ALDH1L2: variants seen among roughly 807,000 people sequenced by gnomAD.
The protein encoded by ALDH1L2 is aldehyde dehydrogenase 1 family member L2, also known as mitochondrial 10-formyltetrahydrofolate dehydrogenase.
A neutral mutation model predicts 111.0 loss-of-function variants in ALDH1L2; 91 were observed. The ratio of observed to expected loss-of-function variants is 0.82; its 90% CI spans 0.69 to 0.98. The LOEUF is 0.98. Among genes scored for constraint, ALDH1L2 ranks in the 50% least tolerant of loss-of-function variants. The pLI is 0.00. For missense variants in ALDH1L2, 995 were observed against 1,126.8 expected, an observed-to-expected ratio of 0.88 and a Z score of 1.67; for synonymous variants, 374 against 392.6, an observed-to-expected ratio of 0.95 and a Z score of 0.56.
At chr12:105,076,118 A>T (rs1029434096) in intron 1 of ALDH1L2, among the ~76,000 whole-genome samples, 2 of 152,232 alleles carry the variant, frequency 1.3e-5, no homozygotes, top group Non-Finnish European at 2.9e-5. Context: ...GTATTGGCAG[A>T]AGTAACTGGG....
At chr12:105,064,251 G>A (rs1877212477) in intron 6 of ALDH1L2, among the ~76,000 whole-genome samples, 1 of 149,906 alleles carries the variant, frequency 6.7e-6, no homozygotes, top group South Asian at 2.1e-4. Context: ...CAAAGTGCTG[G>A]GATTACAGGT....
intron 7 of ALDH1L2, 46 bp downstream of exon 7, chr12:105,062,842 A>T: frequency 6.3e-7 from 1 of 1,584,318 alleles, no homozygotes; most frequent in Non-Finnish European, 8.6e-7. Flanking sequence ...GGGTTATAGA[A>T]GAAAATCAAA....
intron 2 of ALDH1L2, chr12:105,073,623 C>T: frequency 2.0e-6 from 1 of 498,488 alleles, no homozygotes; most frequent in Non-Finnish European, 3.5e-6. Context: ...TTCTCAGTCA[C>T]TCTTGCAAAT....
chr12:105,058,419 G>A (rs73393842), intron 9 of ALDH1L2, among the ~76,000 whole-genome samples, 199 bp from the exon 10 acceptor site: 3,155 of 152,276 alleles, frequency 0.021, 72 homozygotes, highest in East Asian at 0.056. Context: ...TTGAAGGACA[G>A]TGGCAGTTTT....
chr12:105,076,061 C>T (rs1259909830), intron 1 of ALDH1L2, among the ~76,000 whole-genome samples: 1 of 152,204 alleles, frequency 6.6e-6, no homozygotes, highest in Non-Finnish European at 1.5e-5. Context: ...GCCAGGATTA[C>T]AGGCTATTTT....
rs927917597 is a variant in ALDH1L2, at chr12:105,034,290, G to C, written c.2244+10C>G. 6.2e-7 allele frequency: 1 copy of C among 1,612,992 alleles called. No homozygotes were observed. The highest frequency in any genetic ancestry group is 1.1e-5 in the South Asian group (1 of 90,980). On this transcript the variant is annotated intron_variant, in intron 19 of 22. Transcript: ENST00000258494. ...CTAAACAACTCAGAGTAAATGTGAA[G>C]GTGCCTCACCACTCTTGTCACAAAT...
intron 11 of ALDH1L2, among the ~76,000 whole-genome samples, chr12:105,052,462 G>A (rs1365792605): frequency 2.0e-5 from 3 of 152,170 alleles, no homozygotes; most frequent in African/African-American, 7.2e-5. Context: ...AAGATTGGAA[G>A]ACTGTAGTTC....
intron 7 of ALDH1L2, among the ~76,000 whole-genome samples, chr12:105,062,610 A>G (rs1737142306): frequency 6.6e-6 from 1 of 152,192 alleles, no homozygotes; most frequent in East Asian, 1.9e-4. Context: ...AAGATGGCAA[A>G]ACAGACTCAA....
In ALDH1L2 at chr12:105,030,418, C is replaced by G; in HGVS notation, c.2422G>C (p.Glu808Gln). 6.2e-7 allele frequency: 1 copy of G among 1,604,168 alleles called. No individual in the cohort carries two copies. The highest frequency in any genetic ancestry group is 2.2e-5 in the East Asian group (1 of 44,630). Reference sequence around the variant, plus strand: ...TCCACATCTGTGAACACGGTCGGCTCCATGAAAAAGCCTTTTTGGAAAAAA... The same window carrying G: ...TCCACATCTGTGAACACGGTCGGCTGCATGAAAAAGCCTTTTTGGAAAAAA... ...RQVQRPGFFM[E>Q]PTVFTDVEDY... is the part of the protein sequence containing the mutation. Residue 808 changes from glutamate (E) to glutamine (Q), a missense_variant, in exon 21 of 23, where the codon GAG (glutamate) becomes CAG (glutamine). By Grantham distance (29) the Glu-to-Gln change is conservative (BLOSUM62 2). Coordinates refer to ENST00000258494, the MANE Select transcript of ALDH1L2 (RefSeq NM_001034173.4).
chr12:105,028,576 A>G (rs1333068862), intron 21 of ALDH1L2, among the ~76,000 whole-genome samples: 1 of 152,228 alleles, frequency 6.6e-6, no homozygotes, highest in Non-Finnish European at 1.5e-5. Context: ...TTAAACTTGC[A>G]CAAGAAATCT....
intron 10 of ALDH1L2, among the ~76,000 whole-genome samples, chr12:105,057,032 G>C (rs11112351): frequency 0.39 from 58,420 of 149,924 alleles, 12,606 homozygotes; most frequent in Middle Eastern, 0.61. Context: ...ATCTAGTATC[G>C]AAAATATACG....
chr12:105,038,260 T>TCTCA (rs1469997049), intron 17 of ALDH1L2, 58 bp from the exon 18 acceptor site: 25 of 584,166 alleles, frequency 4.3e-5, no homozygotes, highest in East Asian at 1.2e-4. Flanking sequence ...TCTCTCTCTC[T>TCTCA]CACACACACA....
chr12:105,036,021 A>G (rs1197484026), intron 18 of ALDH1L2, among the ~76,000 whole-genome samples: 1 of 80,866 alleles, frequency 1.2e-5, no homozygotes, highest in Non-Finnish European at 2.1e-5. Context: ...TATATATATT[A>G]TATATATACG....
Position 105,052,824 on chromosome 12 carries a change from TGGGTTGA to T in ALDH1L2, c.1388_1394del (p.Ile463LysfsTer22), listed in dbSNP as rs759541899. On this transcript the variant is annotated frameshift_variant, in exon 11 of 23. Coordinates refer to ENST00000258494, the MANE Select transcript of ALDH1L2 (RefSeq NM_001034173.4). LOFTEE classifies it high-confidence loss of function. ...AAGAATTACTCACAGATCCATCTGTTGGGTTGATAGTGTCGTAAGTCTTTCCATCGTC... is the reference window on the plus strand; with the variant it reads ...AAGAATTACTCACAGATCCATCTGTTTAGTGTCGTAAGTCTTTCCATCGTC... 6.2e-7 allele frequency: 1 copy of T among 1,614,090 alleles called. No individual in the cohort carries two copies. The highest frequency in any genetic ancestry group is 1.7e-5 in the Admixed American group (1 of 60,012).
intron 3 of ALDH1L2, among the ~76,000 whole-genome samples, chr12:105,069,264 G>A (rs897603929): frequency 2.6e-5 from 4 of 152,002 alleles, no homozygotes; most frequent in African/African-American, 4.8e-5. Context: ...TGTATTAGGC[G>A]GAATAAGAAC....
rs1447693979 is a variant in ALDH1L2 at position 105,023,097 on chromosome 12, T to C, written c.*1327A>G. 6.6e-6 allele frequency: 1 copy of C among 152,234 alleles called. No homozygotes were observed. The highest frequency in any genetic ancestry group is 1.9e-4 in the East Asian group (1 of 5,204). The allele number at this position is 152,234 out of a possible 1,614,324, so 9.4% of individuals were successfully genotyped here. On this transcript the variant is annotated 3_prime_UTR_variant, in exon 23 of 23. Coordinates refer to ENST00000258494, the MANE Select transcript of ALDH1L2 (RefSeq NM_001034173.4). ...AATAGTTTCCATTTCTTCAATGCTA[T>C]GGTCCAAACGCCTTGTTAAGTGCAT...
chr12:105,026,409 A>G, intron 22 of ALDH1L2, 136 bp downstream of exon 22: 1 of 893,912 alleles, frequency 1.1e-6, no homozygotes. Context: ...TTAAAAAACG[A>G]ATGCCCTTCT....
Position 105,024,293 on chromosome 12 carries a change from C to T in ALDH1L2, c.*131G>A. 3 of 944,530 alleles carry T rather than the reference C, an allele frequency of 3.2e-6. No individual in the cohort carries two copies. The highest frequency in any genetic ancestry group is 5.0e-6 in the Non-Finnish European group (3 of 599,892). The allele number at this position is 944,530 out of a possible 1,614,324, so 58.5% of individuals were successfully genotyped here. On this transcript the variant is annotated 3_prime_UTR_variant, in exon 23 of 23. Transcript: ENST00000258494. ...GTAAATGCTTTAACATGGCCTGGCCCTCTTCATGGTCCATCTGTGTATTTT... is the reference window on the plus strand; with the variant it reads ...GTAAATGCTTTAACATGGCCTGGCCTTCTTCATGGTCCATCTGTGTATTTT...
intron 2 of ALDH1L2, among the ~76,000 whole-genome samples, chr12:105,071,614 G>GCATATATATA (rs56056622): frequency 2.8e-4 from 7 of 25,262 alleles, no homozygotes; most frequent in Non-Finnish European, 3.9e-4. Flanking sequence ...TATATAAGTA[G>GCATATATATA]TATATATATA....
Sources: allele counts gnomAD v4.1 joint callset (sites outside exome capture counted in the v4.1 genomes callset), GRCh38; gene constraint gnomAD v4.1.1; transcripts MANE v1.5; gene names NCBI Gene and HGNC (gene_info 2026-07-23, HGNC 2026-07-21).